GTF2F2: variants seen among roughly 807,000 people sequenced by gnomAD.
GTF2F2 encodes general transcription factor IIF subunit 2, also known as ATP-dependent helicase GTF2F2.
In GTF2F2, 23 loss-of-function variants were observed where a neutral mutation model predicts 42.2. That is an observed-to-expected ratio of 0.55 (90% CI 0.39 to 0.77). GTF2F2 has a LOEUF of 0.77. Among genes scored for constraint, GTF2F2 ranks in the 30% least tolerant of loss-of-function variants. The probability of loss-of-function intolerance (pLI) is 0.00; values close to 1 mark genes in which losing one functional copy is unlikely to be tolerated. For synonymous variants in GTF2F2, 105 were observed against 100.8 expected (o/e 1.04, Z -0.25); for missense variants, 261 against 287.2 (o/e 0.91, Z 0.66).
chr13:45,252,786 T>C (rs1875932410), intron 5 of GTF2F2, 85 bp from the exon 6 acceptor site: 6 of 649,032 alleles, frequency 9.2e-6, no homozygotes, highest in South Asian at 6.0e-5. Context: ...TTAGTTTTCA[T>C]TGAATAAGAA....
chr13:45,262,451 G>A (rs1297030640), intron 6 of GTF2F2, among the ~76,000 whole-genome samples: 8 of 151,866 alleles, frequency 5.3e-5, no homozygotes, highest in African/African-American at 1.2e-4. Flanking sequence ...TTTTTGAGAC[G>A]GTGTCTCACT....
chr13:45,283,672 C>A lies in GTF2F2; in HGVS notation c.*111C>A. 2 of 819,604 alleles carry A rather than the reference C, an allele frequency of 2.4e-6. No homozygotes were observed. Among genetic ancestry groups the A allele is most frequent in the Non-Finnish European group, 3.4e-6 (2 of 581,298 alleles). 50.8% of individuals were successfully genotyped at this position (819,604 alleles called of 1,614,324 possible). Reference sequence around the variant, plus strand: ...TGTTAATAGGGGTTAAGTGACAGTACTTTGATTTCTCTCGGTAAATTTTTT... The same window carrying A: ...TGTTAATAGGGGTTAAGTGACAGTAATTTGATTTCTCTCGGTAAATTTTTT... On this transcript the variant is annotated 3_prime_UTR_variant, in exon 8 of 8. Transcript: ENST00000340473.
chr13:45,128,505 G>A (rs1233972525), intron 1 of GTF2F2, among the ~76,000 whole-genome samples: 10 of 151,188 alleles, frequency 6.6e-5, no homozygotes, highest in African/African-American at 1.5e-4. Context: ...CCTGGGGGGC[G>A]GAGGTTGCAG....
Position 45,167,712 on chromosome 13 carries a change from T to A in GTF2F2, c.304+15881T>A, listed in dbSNP as rs1013778574. On this transcript the variant is annotated intron_variant, in intron 4 of 7. Transcript: ENST00000340473. ...CCGTGCCCGGCCCCCCAGCTGATTT[T>A]TGTGTTTTAAGTAGCAATAGGCTTT... 1.6e-4 allele frequency among the ~76,000 whole-genome samples: 24 copies of A among 152,072 alleles called. No individual in the cohort carries two copies. In the South Asian group the frequency reaches 2.5e-3, roughly 16 times the overall value.
intron 4 of GTF2F2, among the ~76,000 whole-genome samples, chr13:45,173,298 CTGACATTGATAT>C (rs1278674552): frequency 6.6e-6 from 1 of 152,052 alleles, no homozygotes; most frequent in Non-Finnish European, 1.5e-5. Flanking sequence ...ATACAAACCA[CTGACATTGATAT>C]TGACATTGAT....
intron 2 of GTF2F2, among the ~76,000 whole-genome samples, chr13:45,137,396 C>T (rs1461345431): frequency 6.6e-6 from 1 of 152,214 alleles, no homozygotes; most frequent in East Asian, 1.9e-4. Context: ...GTCCATGATT[C>T]CATTGAAACA....
intron 5 of GTF2F2, among the ~76,000 whole-genome samples, chr13:45,222,699 T>C (rs1874167270): frequency 6.6e-6 from 1 of 152,226 alleles, no homozygotes; most frequent in African/African-American, 2.4e-5. Context: ...ACATCTATTA[T>C]ATAACAGACA....
At chr13:45,233,455 T>C (rs929942217) in intron 5 of GTF2F2, among the ~76,000 whole-genome samples, 2 of 152,194 alleles carry the variant, frequency 1.3e-5, no homozygotes, top group Non-Finnish European at 2.9e-5. Context: ...AACTCAGTTG[T>C]TGAATGGCTA....
Position 45,168,823 on chromosome 13 carries a change from CCT to C in GTF2F2, c.304+16993_304+16994del, listed in dbSNP as rs1393986544. ...TCCTTCCTTCCTTCCTTCCTTCCTT[CCT>C]TCCCTCCCTCTTTCCTTCCCTCCCT... On this transcript the variant is annotated intron_variant, in intron 4 of 7. Coordinates refer to ENST00000340473, the MANE Select transcript of GTF2F2 (RefSeq NM_004128.3). Among the ~76,000 whole-genome samples the C allele has an allele frequency of 6.9e-4, 103 of 149,240 alleles. 1 individual carries two copies. Among genetic ancestry groups the C allele is most frequent in the African/African-American group, 2.4e-3 (97 of 40,508 alleles).
At chr13:45,219,862 A>T (rs542882650) in intron 5 of GTF2F2, among the ~76,000 whole-genome samples, 1 of 152,370 alleles carries the variant, frequency 6.6e-6, no homozygotes, top group Non-Finnish European at 1.5e-5. Flanking sequence ...ATTTGAGGAA[A>T]TCCCAAAGGA....
intron 7 of GTF2F2, among the ~76,000 whole-genome samples, chr13:45,272,736 C>A (rs902543176): frequency 5.4e-5 from 8 of 148,734 alleles, no homozygotes; most frequent in African/African-American, 2.0e-4. Context: ...CAGAGCGAGA[C>A]CGTGTCTCAA....
chr13:45,213,331 G>A (rs548238871), intron 5 of GTF2F2, among the ~76,000 whole-genome samples: 11 of 152,016 alleles, frequency 7.2e-5, no homozygotes, highest in African/African-American at 2.7e-4. Flanking sequence ...CACCCGCCTC[G>A]GCCCCTCAAA....
intron 5 of GTF2F2, among the ~76,000 whole-genome samples, chr13:45,226,087 T>C (rs1421912842): frequency 2.0e-5 from 3 of 151,356 alleles, no homozygotes; most frequent in Admixed American, 6.6e-5. Context: ...TCATAGAATA[T>C]ATCTTGAAGT....
At chr13:45,282,497 C>A (rs1220816885) in intron 7 of GTF2F2, among the ~76,000 whole-genome samples, 2 of 152,080 alleles carry the variant, frequency 1.3e-5, no homozygotes, top group African/African-American at 4.8e-5. Flanking sequence ...GTCTTCTTAT[C>A]ACTTTATTTA....
intron 2 of GTF2F2, among the ~76,000 whole-genome samples, chr13:45,148,550 G>A (rs1339121474): frequency 2.0e-5 from 3 of 152,232 alleles, no homozygotes; most frequent in African/African-American, 4.8e-5. Flanking sequence ...TCAGAGTTCC[G>A]TCTTTGTTGG....
chr13:45,171,330 A>G (rs913424064), intron 4 of GTF2F2, among the ~76,000 whole-genome samples: 1 of 152,000 alleles, frequency 6.6e-6, no homozygotes, highest in Non-Finnish European at 1.5e-5. Flanking sequence ...TGGCCTCCCA[A>G]AGTGCTGGGA....
intron 4 of GTF2F2, among the ~76,000 whole-genome samples, chr13:45,191,808 A>G (rs964346224): frequency 3.3e-5 from 5 of 152,164 alleles, no homozygotes; most frequent in Admixed American, 6.5e-5. Context: ...AAGATGCTAC[A>G]TAAAAATGAA....
intron 2 of GTF2F2, among the ~76,000 whole-genome samples, chr13:45,146,496 C>T (rs1944048418): frequency 6.6e-6 from 1 of 151,914 alleles, no homozygotes; most frequent in Non-Finnish European, 1.5e-5. Flanking sequence ...AAGACCCTGT[C>T]ACAAAAAGAA....
chr13:45,131,082 G>A lies in GTF2F2; in HGVS notation c.67-5651G>A, dbSNP rs550742596. ...AGCCTGACCAACATGGAGAAACCCC[G>A]TCTCTGCTAAAAATACAAAATTAGC... On this transcript the variant is annotated intron_variant, in intron 1 of 7. Transcript: ENST00000340473. Among the ~76,000 whole-genome samples, 33 of 152,092 alleles carry A rather than the reference G, an allele frequency of 2.2e-4. 1 individual carries two copies. Among genetic ancestry groups the A allele is most frequent in the African/African-American group, 4.8e-4 (20 of 41,488 alleles).
Sources: gnomAD v4.1 joint callset for allele counts (sites outside exome capture counted in the v4.1 genomes callset) on GRCh38, gnomAD v4.1.1 for gene constraint, MANE v1.5 for transcripts, NCBI Gene and HGNC (gene_info 2026-07-23, HGNC 2026-07-21) for gene names.